The following RAP1A variants were observed in gnomAD, a reference collection of about 807,000 sequenced individuals.
The protein encoded by RAP1A is ras-related protein Rap-1A.
In RAP1A, 6 loss-of-function variants were observed where a neutral mutation model predicts 26.4. The observed-to-expected ratio is 0.23, with a 90% CI of 0.12 to 0.45. The LOEUF (loss-of-function observed/expected upper bound fraction) is 0.45, where lower values mean the gene tolerates loss of function less well. RAP1A is among the 20% of genes least tolerant of loss of function. The probability of loss-of-function intolerance (pLI) is 0.99; values close to 1 mark genes in which losing one functional copy is unlikely to be tolerated. For missense variants in RAP1A, 121 were observed against 217.2 expected (o/e 0.56, Z 2.78); for synonymous variants, 73 against 79.4 (o/e 0.92, Z 0.43).
At chr1:111,630,868 T>C (rs2101103154) in intron 1 of RAP1A, among the ~76,000 whole-genome samples, 1 of 152,318 alleles carries the variant, frequency 6.6e-6, no homozygotes, top group Non-Finnish European at 1.5e-5. Context: ...TGGGTAAATA[T>C]ATGCAACTTG....
At chr1:111,650,916 C>G (rs1025742737) in intron 1 of RAP1A, among the ~76,000 whole-genome samples, 2 of 152,128 alleles carry the variant, frequency 1.3e-5, no homozygotes, top group Non-Finnish European at 2.9e-5. Context: ...ATTCTCCTGC[C>G]TCAGCCTCCC....
chr1:111,687,494 C>T (rs1039903704), intron 1 of RAP1A, among the ~76,000 whole-genome samples: 1 of 152,158 alleles, frequency 6.6e-6, no homozygotes, highest in Non-Finnish European at 1.5e-5. Flanking sequence ...AGGCGTGAGC[C>T]ACCACCCCTA....
chr1:111,584,602 A>G (rs970244744), intron 1 of RAP1A, among the ~76,000 whole-genome samples: 2 of 152,172 alleles, frequency 1.3e-5, no homozygotes, highest in African/African-American at 4.8e-5. Flanking sequence ...TTAGGCTCTA[A>G]CATATGCATG....
At chr1:111,709,446 A>G (rs915974308) in intron 7 of RAP1A, among the ~76,000 whole-genome samples, 182 bp downstream of exon 7, 1 of 152,164 alleles carries the variant, frequency 6.6e-6, no homozygotes, top group Non-Finnish European at 1.5e-5. Flanking sequence ...TTGAGATTCT[A>G]AGCTCTCTGA....
intron 1 of RAP1A, among the ~76,000 whole-genome samples, chr1:111,685,481 C>G (rs7543915): frequency 0.054 from 8,183 of 152,064 alleles, 258 homozygotes; most frequent in South Asian, 0.086. Flanking sequence ...ACAGACACTT[C>G]TCAAAAGAAG....
At chr1:111,606,523 T>C (rs527444400) in intron 1 of RAP1A, among the ~76,000 whole-genome samples, 16 of 152,326 alleles carry the variant, frequency 1.1e-4, no homozygotes, top group Admixed American at 3.9e-4. Flanking sequence ...GCATGTATCT[T>C]GGCACTGCAC....
At chr1:111,690,980 C>T (rs887708896) in intron 1 of RAP1A, among the ~76,000 whole-genome samples, 1 of 152,130 alleles carries the variant, frequency 6.6e-6, no homozygotes, top group African/African-American at 2.4e-5. Flanking sequence ...TGTTTTTAAA[C>T]AGTACATAAG....
chr1:111,663,991 C>T (rs1660713556), intron 1 of RAP1A, among the ~76,000 whole-genome samples: 1 of 152,134 alleles, frequency 6.6e-6, no homozygotes, highest in Non-Finnish European at 1.5e-5. Flanking sequence ...CAAACTCTTG[C>T]TCAAAAGCCT....
chr1:111,672,650 C>G (rs997768514), intron 1 of RAP1A, among the ~76,000 whole-genome samples: 1 of 152,124 alleles, frequency 6.6e-6, no homozygotes, highest in East Asian at 1.9e-4. Flanking sequence ...AGAAAAAATT[C>G]AGGAGGAAGC....
chr1:111,621,503 G>A (rs938187436), intron 1 of RAP1A, among the ~76,000 whole-genome samples: 3 of 152,128 alleles, frequency 2.0e-5, no homozygotes, highest in Admixed American at 6.5e-5. Context: ...CTTCAGATAC[G>A]ATTAGCTGTT....
At chr1:111,570,259 T>A (rs1011078148) in intron 1 of RAP1A, among the ~76,000 whole-genome samples, 1 of 152,198 alleles carries the variant, frequency 6.6e-6, no homozygotes, top group Admixed American at 6.5e-5. Context: ...CTATTGTCTG[T>A]GTGCCTGAGA....
intron 1 of RAP1A, among the ~76,000 whole-genome samples, chr1:111,582,043 C>T (rs1481308218): frequency 1.3e-5 from 2 of 152,156 alleles, no homozygotes; most frequent in Non-Finnish European, 2.9e-5. Context: ...CCAGTTAAGT[C>T]TCACCCTAAA....
intron 1 of RAP1A, among the ~76,000 whole-genome samples, chr1:111,620,726 A>G (rs560991148): frequency 7.9e-5 from 12 of 152,096 alleles, no homozygotes; most frequent in Non-Finnish European, 1.3e-4. Flanking sequence ...TTCTTCCCTG[A>G]ATTTTGTTAG....
At chr1:111,682,504 CAAA>C (rs375059165) in intron 1 of RAP1A, among the ~76,000 whole-genome samples, 3 of 113,762 alleles carry the variant, frequency 2.6e-5, no homozygotes, top group African/African-American at 3.6e-5. Flanking sequence ...AATGGAAAGC[CAAA>C]AAAAAAAAAA....
upstream of RAP1A, among the ~76,000 whole-genome samples, chr1:111,619,583 C>T (rs898549097): frequency 5.3e-5 from 8 of 152,232 alleles, no homozygotes; most frequent in Non-Finnish European, 8.8e-5. Flanking sequence ...CCTCCCATCC[C>T]GCCCTACGCA....
intron 1 of RAP1A, among the ~76,000 whole-genome samples, chr1:111,650,862 C>G (rs1346392650): frequency 2.0e-5 from 3 of 151,932 alleles, no homozygotes; most frequent in Non-Finnish European, 2.9e-5. Flanking sequence ...GTGGCGCGAT[C>G]ACTGCAACGG....
intron 1 of RAP1A, among the ~76,000 whole-genome samples, chr1:111,686,287 C>G (rs1661475515): frequency 6.6e-6 from 1 of 151,880 alleles, no homozygotes; most frequent in African/African-American, 2.4e-5. Flanking sequence ...ATTATTGATA[C>G]TGTTGGAAAA....
At chr1:111,557,251 T>A (rs1271927336) in intron 1 of RAP1A, among the ~76,000 whole-genome samples, 8 of 152,106 alleles carry the variant, frequency 5.3e-5, no homozygotes, top group Admixed American at 5.2e-4. Flanking sequence ...GTATATATTT[T>A]AAAAATCTTA....
intron 1 of RAP1A, among the ~76,000 whole-genome samples, chr1:111,592,985 T>C (rs890340168): frequency 2.6e-5 from 4 of 151,724 alleles, no homozygotes; most frequent in African/African-American, 9.7e-5. Flanking sequence ...GGGGGGTAAA[T>C]AGCAGAGGAG....
Sources: gnomAD v4.1 joint callset for allele counts (sites outside exome capture counted in the v4.1 genomes callset) on GRCh38, gnomAD v4.1.1 for gene constraint, MANE v1.5 for transcripts, NCBI Gene and HGNC (gene_info 2026-07-23, HGNC 2026-07-21) for gene names.